The following ALG6 variants were observed in gnomAD, a reference collection of about 807,000 sequenced individuals.
ALG6 encodes the protein dolichyl pyrophosphate Man9GlcNAc2 alpha-1,3-glucosyltransferase.
ALG6 carries 46 observed loss-of-function variants against 66.6 expected under a neutral mutation model. That is an observed-to-expected ratio of 0.69 (90% CI 0.55 to 0.88). The LOEUF (loss-of-function observed/expected upper bound fraction) is 0.88, where lower values mean the gene tolerates loss of function less well. Among genes scored for constraint, ALG6 ranks in the 40% least tolerant of loss-of-function variants. ALG6 has a pLI of 0.00. For missense variants in ALG6, 505 were observed against 586.8 expected (o/e 0.86, Z 1.44); for synonymous variants, 185 against 203.7 (o/e 0.91, Z 0.78).
rs1036867299 is a variant in ALG6, at chr1:63,437,353, A to G, written c.*333A>G. 3.5e-6 allele frequency: 1 copy of G among 282,866 alleles called. No individual in the cohort carries two copies. Among genetic ancestry groups the G allele is most frequent in the African/African-American group, 2.3e-5 (1 of 44,216 alleles). The allele number at this position is 282,866 out of a possible 1,614,324, so 17.5% of individuals were successfully genotyped here. A position where few individuals can be genotyped will look rare whatever the true frequency, so the allele number is the denominator to read the frequency against. ...TTAAATGTCTTTAAAAAACTGAGAA[A>G]TATTTCTTGATATTTGCTTTGTCTA... is the stretch of plus-strand genomic sequence containing the variant. On this transcript the variant is annotated 3_prime_UTR_variant, in exon 15 of 15. Coordinates refer to ENST00000263440, the MANE Select transcript of ALG6 (RefSeq NM_013339.4).
intron 2 of ALG6, among the ~76,000 whole-genome samples, chr1:63,390,602 C>A (rs1282987277): frequency 6.6e-6 from 1 of 152,138 alleles, no homozygotes; most frequent in African/African-American, 2.4e-5. Flanking sequence ...GTCTAAACTG[C>A]CTTTCAAATT....
chr1:63,429,171 T>C (rs1310869175), intron 14 of ALG6, 45 bp downstream of exon 14: 4 of 1,391,282 alleles, frequency 2.9e-6, no homozygotes, highest in Non-Finnish European at 4.0e-6. Context: ...AGCATGTCAC[T>C]ATTTTAAAAA....
At chr1:63,368,450 C>G (rs1647800766) in intron 1 of ALG6, among the ~76,000 whole-genome samples, 1 of 152,098 alleles carries the variant, frequency 6.6e-6, no homozygotes, top group Non-Finnish European at 1.5e-5. Context: ...CAGGAGGATC[C>G]CTGCTCACAG....
intron 2 of ALG6, among the ~76,000 whole-genome samples, chr1:63,372,573 T>C (rs1647966236): frequency 6.6e-6 from 1 of 152,108 alleles, no homozygotes; most frequent in African/African-American, 2.4e-5. Flanking sequence ...TATATGGATA[T>C]ACACAGACAC....
rs1289680327 is a variant in ALG6, at chr1:63,400,281, ACG to A, written c.168-1972_168-1971del. ...TATATATATATACGTATATATATAT[ACG>A]TATATATATATACGTATATATATGT... On this transcript the variant is annotated intron_variant, in intron 3 of 14. Transcript: ENST00000263440. Among the ~76,000 whole-genome samples the A allele has an allele frequency of 9.3e-3, 96 of 10,294 alleles. 22 individuals carry two copies. The East Asian group carries it at 0.2, about 21-fold the overall frequency. The allele number at this position is 10,294 out of a possible 152,430, so 6.8% of individuals were successfully genotyped here.
chr1:63,373,917 C>T (rs1016451259), intron 2 of ALG6, among the ~76,000 whole-genome samples: 1 of 152,010 alleles, frequency 6.6e-6, no homozygotes. Flanking sequence ...CCACTGCGCC[C>T]AATTTTTTCA....
Position 63,411,951 on chromosome 1 carries a change from T to A in ALG6, c.706T>A (p.Cys236Ser). ...GTTTGTGTTGCTAGTTAAGCTAGCT[T>A]GTATTGTTGTGGCTTCCTTCGTTCT... Reference protein sequence around the residue: ...KGFVLLVKLACIVVASFVLCW... With the variant: ...KGFVLLVKLASIVVASFVLCW... The change falls in exon 9 of 15, where the codon TGT becomes AGT. Residue 236 changes from cysteine (C) to serine (S), a missense_variant. Transcript: ENST00000263440. 1.2e-6 allele frequency: 2 copies of A among 1,614,168 alleles called. No homozygotes were observed. Among genetic ancestry groups the A allele is most frequent in the Non-Finnish European group, 1.7e-6 (2 of 1,180,010 alleles).
chr1:63,436,643 T>TGAGA (rs1644679987), intron 14 of ALG6, among the ~76,000 whole-genome samples, 180 bp from the exon 15 acceptor site: 1 of 152,162 alleles, frequency 6.6e-6, no homozygotes, highest in Non-Finnish European at 1.5e-5. Context: ...ATGTGGGCAT[T>TGAGA]GAGATTTTAA....
intron 12 of ALG6, among the ~76,000 whole-genome samples, chr1:63,422,126 A>T (rs1326147352): frequency 1.3e-5 from 1 of 74,354 alleles, no homozygotes; most frequent in African/African-American, 5.0e-5. Flanking sequence ...TAAATATATA[A>T]ATAAATATAT....
rs192875410 is a variant in ALG6, at chr1:63,375,071, C to T, written c.82+4012C>T. On this transcript the variant is annotated intron_variant, in intron 2 of 14. Coordinates refer to ENST00000263440, the MANE Select transcript of ALG6 (RefSeq NM_013339.4). ...AAAAGAAAAATTAGGCATGATGGCA[C>T]ATGCCTGTAGTCCTAGCTACTCGGG... Among the ~76,000 whole-genome samples the T allele has an allele frequency of 3.1e-3, 473 of 152,102 alleles. 1 individual carries two copies. The highest frequency in any genetic ancestry group is 0.011 in the African/African-American group (454 of 41,510).
At chr1:63,422,316 T>TATAG (rs1644587333) in intron 12 of ALG6, among the ~76,000 whole-genome samples, 4 of 112,478 alleles carry the variant, frequency 3.6e-5, no homozygotes, top group African/African-American at 1.4e-4. Context: ...TATATATCTA[T>TATAG]ATATGAATAT....
At chr1:63,421,245 C>T (rs1210907699) in intron 12 of ALG6, among the ~76,000 whole-genome samples, 1 of 152,116 alleles carries the variant, frequency 6.6e-6, no homozygotes, top group African/African-American at 2.4e-5. Context: ...ATAGCGTGAT[C>T]TTGGCTCACC....
At chr1:63,435,609 A>AC (rs1404306804) in intron 14 of ALG6, among the ~76,000 whole-genome samples, 14 of 152,146 alleles carry the variant, frequency 9.2e-5, no homozygotes, top group African/African-American at 2.4e-5. Context: ...GCTTTTGTAT[A>AC]CCTGTGTACT....
chr1:63,374,985 G>T (rs944052603), intron 2 of ALG6, among the ~76,000 whole-genome samples: 6 of 152,140 alleles, frequency 3.9e-5, no homozygotes, highest in Admixed American at 1.3e-4. Context: ...TGAGGCAGGG[G>T]GATCACTTGA....
At chr1:63,368,661 C>T (rs1247372891) in intron 1 of ALG6, among the ~76,000 whole-genome samples, 1 of 152,020 alleles carries the variant, frequency 6.6e-6, no homozygotes, top group African/African-American at 2.4e-5. Context: ...CCACCACGCC[C>T]AGCTAATTTT....
intron 2 of ALG6, among the ~76,000 whole-genome samples, chr1:63,393,895 A>T (rs1213176825): frequency 6.6e-6 from 1 of 152,190 alleles, no homozygotes; most frequent in African/African-American, 2.4e-5. Flanking sequence ...CATTCTGAGA[A>T]TAGAAAACTT....
At chr1:63,397,774 C>T (rs1029977722) in intron 3 of ALG6, among the ~76,000 whole-genome samples, 6 of 152,056 alleles carry the variant, frequency 3.9e-5, no homozygotes, top group African/African-American at 1.4e-4. Context: ...GAGTTCAGAT[C>T]CCAGCTCTAC....
At chr1:63,405,771 T>C (rs1292652412) in intron 5 of ALG6, among the ~76,000 whole-genome samples, 8 of 152,114 alleles carry the variant, frequency 5.3e-5, no homozygotes, top group African/African-American at 2.4e-5. Context: ...GAAGAACTTA[T>C]GTATTTATTT....
chr1:63,393,447 T>C (rs984660511), intron 2 of ALG6, among the ~76,000 whole-genome samples: 6 of 152,230 alleles, frequency 3.9e-5, no homozygotes, highest in Non-Finnish European at 8.8e-5. Context: ...TAAGAAATAG[T>C]ATAGTCATAT....
Sources: allele counts gnomAD v4.1 joint callset (sites outside exome capture counted in the v4.1 genomes callset), GRCh38; gene constraint gnomAD v4.1.1; transcripts MANE v1.5; gene names NCBI Gene and HGNC (gene_info 2026-07-23, HGNC 2026-07-21).